The following ARHGAP6 variants were observed in gnomAD, a reference collection of about 807,000 sequenced individuals.
ARHGAP6 encodes Rho GTPase activating protein 6, also known as rho GTPase-activating protein 6.
In ARHGAP6, 16 loss-of-function variants were observed where a neutral mutation model predicts 55.7. That is an observed-to-expected ratio of 0.29 (90% CI 0.19 to 0.44). ARHGAP6 has a LOEUF of 0.44. ARHGAP6 is among the 20% of genes least tolerant of loss of function. ARHGAP6 has a pLI of 1.00. For missense variants in ARHGAP6, 698 were observed against 808.9 expected, an observed-to-expected ratio of 0.86 and a Z score of 1.66; for synonymous variants, 382 against 360.9, an observed-to-expected ratio of 1.06 and a Z score of -0.66.
At chrX:11,552,889 C>T (rs1187697492) in intron 1 of ARHGAP6, among the ~76,000 whole-genome samples, 1 of 108,629 alleles carries the variant, frequency 9.2e-6, no homozygotes, top group African/African-American at 3.4e-5. Context: ...GGAATAAGTT[C>T]AAGAGCTCTA....
At position 11,144,142 on chromosome X, in the gene ARHGAP6, T is replaced by G. The variant is rs757302824; in HGVS notation, c.2014A>C (p.Asn672His). 1.7e-6 allele frequency: 2 copies of G among 1,211,682 alleles called. No homozygotes were observed. Among genetic ancestry groups the G allele is most frequent in the Admixed American group, 4.3e-5 (2 of 46,058 alleles). The change falls in exon 11 of 13, where the codon AAC (asparagine) becomes CAC (histidine). Residue 672 changes from asparagine to histidine, a missense_variant. This residue lies in a region of ARHGAP6 where 322 missense variants were observed against 451.1 expected (regional missense o/e 0.71). Transcript: ENST00000337414. ...GAGCGCTCAGACAGCACTGGGGAGT[T>G]GTTGTCATAAGGGGAGATGTCTCCG... ...SSGDISPYDN[N>H]SPVLSERSLL...
At chrX:11,363,908 T>C (rs1254128892) in intron 1 of ARHGAP6, among the ~76,000 whole-genome samples, 1 of 112,280 alleles carries the variant, frequency 8.9e-6, no homozygotes, top group Admixed American at 9.5e-5. Context: ...CATGTATGTT[T>C]ATCACAGCAC....
intron 1 of ARHGAP6, among the ~76,000 whole-genome samples, chrX:11,451,626 C>A (rs1478956275): frequency 8.9e-6 from 1 of 111,918 alleles, no homozygotes; most frequent in Non-Finnish European, 1.9e-5. Flanking sequence ...TTCAGCTTTG[C>A]TTTTGCTGCT....
At chrX:11,441,995 G>T (rs1276016376) in intron 1 of ARHGAP6, among the ~76,000 whole-genome samples, 2 of 110,181 alleles carry the variant, frequency 1.8e-5, no homozygotes, top group Non-Finnish European at 3.8e-5. Context: ...AACATAAAAT[G>T]ATATTTTTAA....
At chrX:11,550,611 T>C (rs2051256826) in intron 1 of ARHGAP6, among the ~76,000 whole-genome samples, 1 of 111,802 alleles carries the variant, frequency 8.9e-6, no homozygotes, top group South Asian at 3.8e-4. Context: ...TATGTGAAGG[T>C]AAGATGTCAG....
intron 1 of ARHGAP6, among the ~76,000 whole-genome samples, chrX:11,351,148 T>C (rs1162799340): frequency 1.8e-5 from 2 of 109,911 alleles, no homozygotes; most frequent in Non-Finnish European, 3.8e-5. Flanking sequence ...CAAAACGGAA[T>C]GTTTTACTAC....
chrX:11,320,810 C>G (rs971030068), intron 1 of ARHGAP6, among the ~76,000 whole-genome samples: 1 of 100,504 alleles, frequency 9.9e-6, no homozygotes, highest in African/African-American at 3.8e-5. Context: ...CACACACACA[C>G]AGGTGTATAA....
chrX:11,400,098 T>C (rs1337460590), intron 1 of ARHGAP6, among the ~76,000 whole-genome samples: 2 of 112,083 alleles, frequency 1.8e-5, no homozygotes, highest in Non-Finnish European at 3.8e-5. Context: ...TGGCTGCTAA[T>C]GAATGCAGCA....
At chrX:11,221,103 G>T (rs984858382) in intron 2 of ARHGAP6, among the ~76,000 whole-genome samples, 2 of 112,372 alleles carry the variant, frequency 1.8e-5, no homozygotes, top group Non-Finnish European at 3.8e-5. Context: ...TATATATTTT[G>T]TTAATCTTTT....
At chrX:11,243,397 G>A (rs1215655045) in intron 2 of ARHGAP6, among the ~76,000 whole-genome samples, 1 of 111,667 alleles carries the variant, frequency 9.0e-6, no homozygotes. Flanking sequence ...TTTGGGCACT[G>A]GCAGGTGTTG....
intron 10 of ARHGAP6, among the ~76,000 whole-genome samples, chrX:11,151,928 C>G (rs956428566): frequency 4.5e-5 from 5 of 111,926 alleles, no homozygotes; most frequent in African/African-American, 1.6e-4. Flanking sequence ...AATGCTATAA[C>G]TTAAAGTGAA....
intron 2 of ARHGAP6, among the ~76,000 whole-genome samples, chrX:11,219,844 T>C (rs1355026794): frequency 1.0e-5 from 1 of 97,703 alleles, no homozygotes; most frequent in Non-Finnish European, 2.1e-5. Flanking sequence ...AGGTTGCCTG[T>C]TCACTCTGAT....
chrX:11,292,194 G>C (rs1384860256), intron 1 of ARHGAP6, among the ~76,000 whole-genome samples: 1 of 111,858 alleles, frequency 8.9e-6, no homozygotes, highest in Non-Finnish European at 1.9e-5. Context: ...TATTCAAAGA[G>C]ATCCAAGTAT....
chrX:11,663,648 C>A (rs2052723384), intron 1 of ARHGAP6, among the ~76,000 whole-genome samples: 2 of 111,779 alleles, frequency 1.8e-5, no homozygotes, highest in South Asian at 3.8e-4. Context: ...CACACCCCTA[C>A]ACAGAGATTT....
intron 1 of ARHGAP6, among the ~76,000 whole-genome samples, chrX:11,376,459 A>G (rs972873723): frequency 8.9e-6 from 1 of 112,914 alleles, no homozygotes; most frequent in African/African-American, 3.2e-5. Flanking sequence ...GAAGGGCACA[A>G]AAGCCAATGA....
rs1205962543 is a variant in ARHGAP6 at position 11,477,812 on chromosome X, G to T, written c.588+186429C>A. ...TAGACAAACAAAACTAATCTGTAGG[G>T]TCAGAAAATAGATCAGTGGTTGCCT... is the stretch of plus-strand genomic sequence containing the variant. On this transcript the variant is annotated intron_variant, in intron 1 of 12. Transcript: ENST00000337414. 3.6e-5 allele frequency among the ~76,000 whole-genome samples: 4 copies of T among 111,780 alleles called. No individual in the cohort carries two copies. In the East Asian group the frequency reaches 1.1e-3, roughly 31 times the overall value.
intron 7 of ARHGAP6, among the ~76,000 whole-genome samples, chrX:11,179,009 T>C (rs2046275955): frequency 8.9e-6 from 1 of 112,148 alleles, no homozygotes. Flanking sequence ...ACAGACTCAA[T>C]GTGAACTCTT....
chrX:11,550,863 G>C (rs968694748), intron 1 of ARHGAP6, among the ~76,000 whole-genome samples: 3 of 111,837 alleles, frequency 2.7e-5, no homozygotes, highest in Non-Finnish European at 5.6e-5. Flanking sequence ...AACTAAGGGG[G>C]CCCAGTTTGT....
At chrX:11,560,890 A>G (rs187649739) in intron 1 of ARHGAP6, among the ~76,000 whole-genome samples, 2 of 112,286 alleles carry the variant, frequency 1.8e-5, no homozygotes, top group Admixed American at 1.9e-4. Context: ...CCATCAATCA[A>G]ATAACAGCTA....
Sources: gnomAD v4.1 joint callset for allele counts (sites outside exome capture counted in the v4.1 genomes callset) on GRCh38, gnomAD v4.1.1 for gene constraint, gnomAD v4.1.1 regional missense constraint, MANE v1.5 for transcripts, NCBI Gene and HGNC (gene_info 2026-07-23, HGNC 2026-07-21) for gene names.